Variants in SNORC observed in about 807,000 individuals in gnomAD.
SNORC encodes secondary ossification center associated regulator of chondrocyte maturation, also known as protein SNORC.
SNORC carries 11 observed loss-of-function variants against 9.7 expected under a neutral mutation model. The observed-to-expected ratio is 1.14, with a 90% CI of 0.72 to 1.88. SNORC has a LOEUF of 1.88. SNORC is among the 40% of genes most tolerant of loss of function. The pLI is 0.00. For synonymous variants in SNORC, 108 were observed against 88.7 expected, an observed-to-expected ratio of 1.22 and a Z score of -1.22; for missense variants, 197 against 173.1, an observed-to-expected ratio of 1.14 and a Z score of -0.77.
rs374336566 is a variant in SNORC, at chr2:232,873,037, A to AGCCTGTGAGGGAT, written c.73+2624_73+2636dup. 7.7e-3 allele frequency among the ~76,000 whole-genome samples: 1,170 copies of AGCCTGTGAGGGAT among 152,328 alleles called. 14 individuals are homozygous for AGCCTGTGAGGGAT. Among genetic ancestry groups the AGCCTGTGAGGGAT allele is most frequent in the African/African-American group, 0.026 (1,081 of 41,576 alleles). The stretch of plus-strand genomic sequence containing the variant: ...CTTGGGTGCAGATGGGTACTGGGCC[A>AGCCTGTGAGGGAT]GCCTGTGAGGGATTCCTGTGGCAGC... On this transcript the variant is annotated intron_variant, in intron 1 of 2. Coordinates refer to ENST00000331342, the Ensembl canonical transcript of SNORC.
chr2:232,869,214 A>G (rs1690935218), upstream of SNORC: 1 of 152,188 alleles, frequency 6.6e-6, no homozygotes. Flanking sequence ...GGGTGGCCAC[A>G]TAATCACCAC....
Position 232,870,370 on chromosome 2 carries a change from C to CGCT in SNORC, c.37_39dup (p.Leu13dup), listed in dbSNP as rs775268968. On this transcript the variant is annotated inframe_insertion, in exon 1 of 3. Coordinates refer to ENST00000331342, the Ensembl canonical transcript of SNORC. Reference sequence around the variant, plus strand: ...GCATCCTGTCTGGCCCTGCGCATGGCGCTGCTGCTGGTCTCCGGGGTTCTG... The same window carrying CGCT: ...GCATCCTGTCTGGCCCTGCGCATGGCGCTGCTGCTGCTGGTCTCCGGGGTTCTG... 12 of 1,569,070 alleles carry CGCT rather than the reference C, an allele frequency of 7.6e-6. No homozygotes were observed. The Admixed American group carries it at 1.7e-4, about 22-fold the overall frequency.
intron 1 of SNORC, among the ~76,000 whole-genome samples, chr2:232,873,363 C>T (rs1030122135): frequency 1.3e-5 from 2 of 152,048 alleles, no homozygotes; most frequent in East Asian, 1.9e-4. Context: ...GGCTGGGTCA[C>T]GGGGGACAGA....
At chr2:232,877,209 C>T, downstream of SNORC, 1 of 985,506 alleles carries the variant, frequency 1.0e-6, no homozygotes, top group Non-Finnish European at 1.2e-6. Context: ...TGGCTGGGGG[C>T]CGGCAGCCCC....
Position 232,876,015 on chromosome 2 carries a change from A to C in SNORC, c.149A>C (p.Glu50Ala), listed in dbSNP as rs1478030377. Reference sequence around the variant, plus strand: ...CTGCCGTCGGGAGAAGGCCCCGTGGAGAGCACCAGCCCCGGCCGGGAGCCC... The same window carrying C: ...CTGCCGTCGGGAGAAGGCCCCGTGGCGAGCACCAGCCCCGGCCGGGAGCCC... Residue 50 changes from glutamate to alanine, a missense_variant, in exon 2 of 3, where the codon GAG becomes GCG. Coordinates refer to ENST00000331342, the Ensembl canonical transcript of SNORC. This position sits in a 1 kb window ranked among gnomAD's most constrained non-coding sequence, Gnocchi z 6.8. 1.9e-6 allele frequency: 3 copies of C among 1,550,986 alleles called. No individual in the cohort carries two copies. The highest frequency in any genetic ancestry group is 8.7e-7 in the Non-Finnish European group (1 of 1,151,012).
chr2:232,875,535 A>G, intron 1 of SNORC: 1 of 407,296 alleles, frequency 2.5e-6, no homozygotes, highest in Non-Finnish European at 5.1e-6. Flanking sequence ...TCAGGGGAGG[A>G]CAACTGGGGT....
chr2:232,877,134 C>T (rs1574976420), downstream of SNORC: 1 of 985,826 alleles, frequency 1.0e-6, no homozygotes, highest in African/African-American at 1.7e-5. Context: ...GCCTCAGGAG[C>T]AGGATGAGTC....
downstream of SNORC, chr2:232,876,641 G>C (rs1378595134): frequency 2.9e-6 from 3 of 1,027,548 alleles, no homozygotes; most frequent in South Asian, 1.4e-4. The surrounding 1 kb of genome is among the most constrained non-coding windows in gnomAD (Gnocchi z 6.8). Context: ...GCGCAGGGCC[G>C]CGCGGCTCGG....
downstream of SNORC, chr2:232,878,374 C>T: frequency 6.3e-6 from 1 of 158,302 alleles, no homozygotes; most frequent in Admixed American, 6.5e-5. Flanking sequence ...TGGTGAGATC[C>T]CCTGTAGGGC....
In SNORC at chr2:232,870,429, C is replaced by T; in HGVS notation, c.73+15C>T. On this transcript the variant is annotated intron_variant, in intron 1 of 2. Transcript: ENST00000331342. ...GGTGCTCACAGGTAAGAGGTGAAGGCCCTTGTCTCAGCCACCACTAGCCTC... is the reference window on the plus strand; with the variant it reads ...GGTGCTCACAGGTAAGAGGTGAAGGTCCTTGTCTCAGCCACCACTAGCCTC... 6.4e-7 allele frequency: 1 copy of T among 1,562,194 alleles called. No individual in the cohort carries two copies. The highest frequency in any genetic ancestry group is 1.7e-4 in the Middle Eastern group (1 of 5,998).
upstream of SNORC, among the ~76,000 whole-genome samples, chr2:232,866,524 A>G (rs1217850942): frequency 3.3e-5 from 5 of 152,322 alleles, no homozygotes; most frequent in South Asian, 2.1e-4. Context: ...TACTTGCTGA[A>G]TAACTGATAG....
At chr2:232,875,780 G>A in intron 1 of SNORC, 160 bp from the exon 2 acceptor site, 1 of 783,946 alleles carries the variant, frequency 1.3e-6, no homozygotes, top group Non-Finnish European at 1.9e-6. Flanking sequence ...GCAACGCACT[G>A]GCTTCAGCTT....
chr2:232,877,202 C>T (rs1446385505), downstream of SNORC: 4 of 985,428 alleles, frequency 4.1e-6, no homozygotes, highest in Non-Finnish European at 4.8e-6. Context: ...CCAGGCCTGG[C>T]TGGGGGCCGG....
At chr2:232,870,585 G>C (rs544428354) in intron 1 of SNORC, among the ~76,000 whole-genome samples, 171 bp downstream of exon 1, 1 of 152,374 alleles carries the variant, frequency 6.6e-6, no homozygotes, top group South Asian at 2.1e-4. Flanking sequence ...GGCAGCAGCT[G>C]TGTGGGATGG....
intron 1 of SNORC, among the ~76,000 whole-genome samples, chr2:232,873,625 C>G (rs564456725): frequency 6.6e-6 from 1 of 152,154 alleles, no homozygotes; most frequent in African/African-American, 2.4e-5. Flanking sequence ...GTCATTTGTC[C>G]ATTTCTTTGG....
rs1690989744 is a variant in SNORC at position 232,870,529 on chromosome 2, A to G, written c.73+115A>G. 2.4e-5 allele frequency: 25 copies of G among 1,031,540 alleles called. No homozygotes were observed. In the South Asian group the frequency reaches 2.7e-4, roughly 11 times the overall value. 63.9% of individuals were successfully genotyped at this position (1,031,540 alleles called of 1,614,324 possible). A position where few individuals can be genotyped will look rare whatever the true frequency, so the allele number is the denominator to read the frequency against. The stretch of plus-strand genomic sequence containing the variant: ...AGGAAGCCCTCTCACAGGAGATGGG[A>G]TGACTATTTGGGGTGATTCTGCGAA... On this transcript the variant is annotated intron_variant, in intron 1 of 2. Coordinates refer to ENST00000331342, the Ensembl canonical transcript of SNORC.
chr2:232,870,497 A>C, intron 1 of SNORC, 83 bp downstream of exon 1: 1 of 1,321,858 alleles, frequency 7.6e-7, no homozygotes, highest in Non-Finnish European at 1.1e-6. Flanking sequence ...TTCAACGTTC[A>C]CTGGGGAGGA....
At chr2:232,873,011 G>A (rs972789541) in intron 1 of SNORC, among the ~76,000 whole-genome samples, 1 of 152,208 alleles carries the variant, frequency 6.6e-6, no homozygotes, top group Admixed American at 6.5e-5. Context: ...GGCCCTGGCC[G>A]CTTGGGTGCA....
At chr2:232,869,562 G>C (rs1690947764), upstream of SNORC, 2 of 152,474 alleles carry the variant, frequency 1.3e-5, no homozygotes, top group African/African-American at 4.8e-5. Flanking sequence ...TTTGGACACT[G>C]TAAGTTGTAG....
Sources: gnomAD v4.1 joint callset for allele counts (sites outside exome capture counted in the v4.1 genomes callset) on GRCh38, gnomAD v4.1.1 for gene constraint, Gnocchi (gnomAD v3.1) non-coding constraint, MANE v1.5 for transcripts, NCBI Gene and HGNC (gene_info 2026-07-23, HGNC 2026-07-21) for gene names.